The following UTRN variants were observed in gnomAD, a reference collection of about 807,000 sequenced individuals.
UTRN encodes dystrophin-related protein 1.
Under a neutral mutation model 463.9 loss-of-function variants are expected in UTRN, and 283 were observed. The ratio of observed to expected loss-of-function variants is 0.61; its 90% confidence interval spans 0.55 to 0.67. UTRN has a LOEUF of 0.67. Ranked by LOEUF, UTRN falls within the 30% of genes least tolerant of loss-of-function variation. The pLI is 0.00. For missense variants in UTRN, 3,922 were observed against 4,084.3 expected (o/e 0.96, Z 1.08); for synonymous variants, 1,442 against 1,431.5 (o/e 1.01, Z -0.17).
At chr6:144,387,104 G>T (rs1261436377) in intron 2 of UTRN, among the ~76,000 whole-genome samples, 1 of 151,936 alleles carries the variant, frequency 6.6e-6, no homozygotes, top group Non-Finnish European at 1.5e-5. Flanking sequence ...GTAGCATTTT[G>T]TTTTGCCTTA....
At chr6:144,386,769 A>AT (rs1781457549) in intron 2 of UTRN, among the ~76,000 whole-genome samples, 1 of 152,132 alleles carries the variant, frequency 6.6e-6, no homozygotes, top group Admixed American at 6.5e-5. Context: ...CGGATGTGCA[A>AT]TTTTACAAAT....
chr6:144,771,812 G>A, intron 58 of UTRN, 95 bp from the exon 59 acceptor site: 1 of 1,016,430 alleles, frequency 9.8e-7, no homozygotes, highest in Non-Finnish European at 1.4e-6. Context: ...TTAAAAATTT[G>A]AAAAAAATCA....
intron 13 of UTRN, among the ~76,000 whole-genome samples, chr6:144,441,150 C>T (rs183993190): frequency 2.8e-4 from 42 of 152,306 alleles, no homozygotes; most frequent in African/African-American, 9.9e-4. Flanking sequence ...TCACATTTCA[C>T]AACCAATCAT....
intron 56 of UTRN, among the ~76,000 whole-genome samples, chr6:144,752,722 T>G (rs555306638): frequency 6.6e-6 from 1 of 152,312 alleles, no homozygotes; most frequent in South Asian, 2.1e-4. Flanking sequence ...TAGAAATATT[T>G]GTTCTTTATT....
chr6:144,490,135 C>T lies in UTRN; in HGVS notation c.4199C>T (p.Ser1400Phe). The change falls in exon 31 of 75, where the codon TCT becomes TTT. Residue 1400 changes from serine to phenylalanine, a missense_variant. This residue lies in a region of UTRN where 2,349 missense variants were observed against 2,303.8 expected (regional missense o/e 1.02). Coordinates refer to ENST00000367545, the MANE Select transcript of UTRN (RefSeq NM_007124.3). ...TLEELRRNMR[S>F]QPLTSPESRT... Reference sequence around the variant, plus strand: ...GAGGAGTTGAGAAGAAATATGCGTTCTCAGCCCCTGACCTCCCCAGAGAGT... The same window carrying T: ...GAGGAGTTGAGAAGAAATATGCGTTTTCAGCCCCTGACCTCCCCAGAGAGT... 6.2e-7 allele frequency: 1 copy of T among 1,613,756 alleles called. No homozygotes were observed.
intron 52 of UTRN, among the ~76,000 whole-genome samples, chr6:144,690,815 G>T (rs373437664): frequency 6.6e-6 from 1 of 152,078 alleles, no homozygotes; most frequent in Non-Finnish European, 1.5e-5. Context: ...CAGGTTCCCC[G>T]GTGGGTGTGT....
intron 74 of UTRN, among the ~76,000 whole-genome samples, chr6:144,849,499 A>G (rs1182034676): frequency 2.6e-5 from 4 of 152,186 alleles, no homozygotes; most frequent in Non-Finnish European, 5.9e-5. Flanking sequence ...ACAAAGAGCT[A>G]AATGGTTCCC....
At chr6:144,617,254 G>A (rs1585589521) in intron 51 of UTRN, among the ~76,000 whole-genome samples, 2 of 152,142 alleles carry the variant, frequency 1.3e-5, no homozygotes, top group East Asian at 3.9e-4. Context: ...AAAAAGAGAA[G>A]CATTCTGTAT....
At chr6:144,627,099 C>T (rs113792095) in intron 51 of UTRN, among the ~76,000 whole-genome samples, 53 of 132,150 alleles carry the variant, frequency 4.0e-4, no homozygotes, top group African/African-American at 1.3e-3. Flanking sequence ...GTGCACTACG[C>T]GGCAGATGGG....
intron 58 of UTRN, among the ~76,000 whole-genome samples, chr6:144,765,558 T>TA (rs1334149722): frequency 6.6e-6 from 1 of 152,188 alleles, no homozygotes; most frequent in East Asian, 1.9e-4. Context: ...GGACTACAGG[T>TA]ACATGCCACC....
intron 33 of UTRN, 45 bp from the exon 34 acceptor site, chr6:144,499,212 A>T (rs756549179): frequency 6.4e-7 from 1 of 1,570,182 alleles, no homozygotes; most frequent in African/African-American, 1.4e-5. Context: ...ATTTATGTTC[A>T]TTCCCATCTC....
At chr6:144,429,306 C>G (rs906589181) in intron 8 of UTRN, among the ~76,000 whole-genome samples, 7 of 152,192 alleles carry the variant, frequency 4.6e-5, no homozygotes, top group Admixed American at 2.6e-4. Context: ...AAGTCTGTAT[C>G]TTTATCTTAA....
intron 52 of UTRN, among the ~76,000 whole-genome samples, chr6:144,686,738 CG>C (rs1782802243): frequency 6.6e-6 from 1 of 151,868 alleles, no homozygotes; most frequent in Admixed American, 6.6e-5. Flanking sequence ...GGTTGCCATT[CG>C]CATGTCATAT....
At chr6:144,427,555 A>G (rs1785403951) in intron 7 of UTRN, among the ~76,000 whole-genome samples, 1 of 152,098 alleles carries the variant, frequency 6.6e-6, no homozygotes, top group Non-Finnish European at 1.5e-5. Context: ...CTTCAATGCA[A>G]TGTTGATTTG....
At chr6:144,690,018 G>A (rs967190287) in intron 52 of UTRN, among the ~76,000 whole-genome samples, 1 of 150,464 alleles carries the variant, frequency 6.6e-6, no homozygotes, top group African/African-American at 2.5e-5. Flanking sequence ...TTACCCAGGG[G>A]AGGTACTCTG....
At chr6:144,322,802 G>C (rs1007476795) in intron 2 of UTRN, among the ~76,000 whole-genome samples, 16 of 152,058 alleles carry the variant, frequency 1.1e-4, no homozygotes, top group Admixed American at 9.8e-4. Context: ...AATTAGCCAG[G>C]CGTGGTGGCG....
intron 46 of UTRN, among the ~76,000 whole-genome samples, chr6:144,545,588 C>T (rs1457179795): frequency 6.6e-6 from 1 of 152,244 alleles, no homozygotes; most frequent in East Asian, 1.9e-4. Context: ...TCATGTTTCA[C>T]ATACTCACTT....
intron 51 of UTRN, among the ~76,000 whole-genome samples, chr6:144,611,573 C>T (rs1025705612): frequency 6.6e-6 from 1 of 151,962 alleles, no homozygotes; most frequent in Non-Finnish European, 1.5e-5. Flanking sequence ...GACAAATTAT[C>T]CAAATAGAAA....
At chr6:144,726,422 C>G (rs117653240) in intron 53 of UTRN, among the ~76,000 whole-genome samples, 16 of 152,104 alleles carry the variant, frequency 1.1e-4, no homozygotes, top group African/African-American at 3.9e-4. Context: ...ACTCAATTTA[C>G]GCACCACCTC....
Sources: allele counts gnomAD v4.1 joint callset (sites outside exome capture counted in the v4.1 genomes callset), GRCh38; gene constraint gnomAD v4.1.1; regional missense constraint gnomAD v4.1.1; transcripts MANE v1.5; gene names NCBI Gene and HGNC (gene_info 2026-07-23, HGNC 2026-07-21).